NFAT5: variants seen among roughly 807,000 people sequenced by gnomAD.
NFAT5 encodes nuclear factor of activated T-cells 5.
In NFAT5, 31 loss-of-function variants were observed where a neutral mutation model predicts 166.5. The observed-to-expected ratio is 0.19, with a 90% CI of 0.14 to 0.25. NFAT5 has a LOEUF of 0.25. NFAT5 is among the 10% of genes least tolerant of loss of function. NFAT5 has a pLI of 1.00. For synonymous variants in NFAT5, 612 were observed against 639.7 expected (o/e 0.96, Z 0.65); for missense variants, 1,449 against 1,821.8 (o/e 0.80, Z 3.72).
Position 69,568,533 on chromosome 16 carries a change from GCTGGA to G in NFAT5, c.115_119del (p.Gly39IlefsTer7). ...ACACCCATCACAGAATTTTCATAGA[GCTGGA>G]CTATTGGAAGGTCAGCAAAGTACCA... is the stretch of plus-strand genomic sequence containing the variant. On this transcript the variant is annotated frameshift_variant, in exon 2 of 15. Transcript: ENST00000349945. LOFTEE classifies it high-confidence loss of function. 1.2e-6 allele frequency: 2 copies of G among 1,613,030 alleles called. No homozygotes were observed. Among genetic ancestry groups the G allele is most frequent in the Non-Finnish European group, 1.7e-6 (2 of 1,179,510 alleles).
Position 69,644,881 on chromosome 16 carries a change from A to G in NFAT5, c.254-2147A>G, listed in dbSNP as rs142235577. 2.0e-3 allele frequency: 923 copies of G among 453,164 alleles called. 4 individuals are homozygous for G. The highest frequency in any genetic ancestry group is 3.5e-3 in the Non-Finnish European group (787 of 225,900). 28.1% of individuals were successfully genotyped at this position (453,164 alleles called of 1,614,324 possible). On this transcript the variant is annotated intron_variant, in intron 3 of 14. Transcript: ENST00000349945. ...GGTGAGTGGGAGAAAGTTGCTTTAT[A>G]GAAATATAAGTTCACAGCATTCATG... is the stretch of plus-strand genomic sequence containing the variant.
intron 2 of NFAT5, 148 bp from the exon 3 acceptor site, chr16:69,626,254 TA>T: frequency 1.6e-6 from 1 of 615,474 alleles, no homozygotes; most frequent in Non-Finnish European, 2.4e-6. Context: ...GCTCAGCTGC[TA>T]ATAGCTCTTT....
Position 69,691,792 on chromosome 16 carries a change from T to C in NFAT5, c.1967T>C (p.Ile656Thr). Residue 656 changes from isoleucine (I) to threonine (T), a missense_variant, in exon 13 of 15, where the codon ATC becomes ACC. Transcript: ENST00000349945. ...TCAACTCAGCAAACATTAGAAAACA[T>C]CTCAAACATAGCAGGAAATGGCTCT... is the stretch of plus-strand genomic sequence containing the variant. ...VGSTQQTLENISNIAGNGSFS... is the reference protein window; with the variant it reads ...VGSTQQTLENTSNIAGNGSFS... The C allele has an allele frequency of 2.5e-6, 4 of 1,614,110 alleles. No homozygotes were observed. The highest frequency in any genetic ancestry group is 3.4e-6 in the Non-Finnish European group (4 of 1,180,024).
At chr16:69,605,934 C>T (rs967047664) in intron 2 of NFAT5, among the ~76,000 whole-genome samples, 3 of 152,008 alleles carry the variant, frequency 2.0e-5, no homozygotes, top group Non-Finnish European at 4.4e-5. Context: ...AGGATGGTCT[C>T]GATCTCCTGA....
At position 69,697,994 on chromosome 16, in the gene NFAT5, G is replaced by C. The variant is rs1186632168; in HGVS notation, c.*1643G>C. On this transcript the variant is annotated 3_prime_UTR_variant, in exon 15 of 15. Transcript: ENST00000349945. ...TTTAGTTGAACTGTGCGGAATTGTG[G>C]TGTTGGTTTTGTTTACACAGCCAGA... 1 of 148,714 alleles carries C rather than the reference G, an allele frequency of 6.7e-6. No homozygotes were observed. Among genetic ancestry groups the C allele is most frequent in the Non-Finnish European group, 1.5e-5 (1 of 67,378 alleles). The allele number at this position is 148,714 out of a possible 1,614,324, so 9.2% of individuals were successfully genotyped here.
At chr16:69,685,821 A>G (rs2017448) in intron 11 of NFAT5, 82,911 of 151,938 alleles carry the variant, frequency 0.55, 24,139 homozygotes, top group East Asian at 0.83. Flanking sequence ...CAAGGTGGGC[A>G]GATAACCTGA....
rs2037525610 is a variant in NFAT5, at chr16:69,691,019, T to C, written c.1854T>C (p.Ser618=). ...TGATGACTCCACTCATACCAAGCAG[T>C]ATGATTAAGAGTGAAGATGTTACTC... ...NALMTPLIPS[S]MIKSEDVTPM... The change falls in exon 12 of 15, where the codon AGT becomes AGC. Residue 618 remains serine (S), a synonymous_variant. Transcript: ENST00000349945. The C allele has an allele frequency of 1.2e-6, 2 of 1,609,484 alleles. No homozygotes were observed. The highest frequency in any genetic ancestry group is 8.5e-7 in the Non-Finnish European group (1 of 1,178,030).
chr16:69,571,346 C>T (rs2016426712), intron 2 of NFAT5, among the ~76,000 whole-genome samples: 1 of 151,790 alleles, frequency 6.6e-6, no homozygotes, highest in African/African-American at 2.4e-5. Context: ...AATAAGAACT[C>T]AGCGAATTCT....
chr16:69,689,491 G>T (rs199781962), intron 11 of NFAT5, among the ~76,000 whole-genome samples: 1 of 152,346 alleles, frequency 6.6e-6, no homozygotes, highest in East Asian at 1.9e-4. Context: ...CCAAATGGCT[G>T]TGAGGCAAGT....
intron 2 of NFAT5, among the ~76,000 whole-genome samples, chr16:69,604,333 C>G (rs1325075917): frequency 6.6e-6 from 1 of 152,112 alleles, no homozygotes. Flanking sequence ...ATTGAATTTT[C>G]TTTTATAATG....
intron 2 of NFAT5, among the ~76,000 whole-genome samples, chr16:69,588,429 C>T (rs1255177485): frequency 1.3e-5 from 2 of 152,084 alleles, no homozygotes; most frequent in Non-Finnish European, 2.9e-5. Flanking sequence ...TGCCAAGCTT[C>T]AAAAGAGAGA....
Position 69,626,393 on chromosome 16 carries a change from C to A in NFAT5, c.128-10C>A. The A allele has an allele frequency of 6.4e-7, 1 of 1,554,296 alleles. No individual in the cohort carries two copies. The highest frequency in any genetic ancestry group is 1.2e-5 in the South Asian group (1 of 80,246). ...AAAATTGTTTTCTCCTCTCTTTCCC[C>A]TCCCCACAGAATCTGTCTATGATCT... On this transcript the variant is annotated splice_polypyrimidine_tract_variant and intron_variant, in intron 2 of 14. Transcript: ENST00000349945.
intron 2 of NFAT5, among the ~76,000 whole-genome samples, chr16:69,574,263 A>G (rs143416359): frequency 0.011 from 1,750 of 152,286 alleles, 26 homozygotes; most frequent in African/African-American, 0.037. Context: ...AAGATTATTC[A>G]GTGGCATAGG....
intron 2 of NFAT5, among the ~76,000 whole-genome samples, chr16:69,624,874 C>T (rs535384482): frequency 1.0e-4 from 15 of 150,314 alleles, no homozygotes; most frequent in Middle Eastern, 3.4e-3. Flanking sequence ...AATAAGTATA[C>T]GCGATATGCC....
intron 3 of NFAT5, among the ~76,000 whole-genome samples, chr16:69,641,780 G>A (rs1414670194): frequency 6.6e-6 from 1 of 151,992 alleles, no homozygotes; most frequent in Non-Finnish European, 1.5e-5. Flanking sequence ...ATCTACATGG[G>A]TTTCTATAAA....
intron 11 of NFAT5, among the ~76,000 whole-genome samples, chr16:69,690,105 A>G (rs2037490812): frequency 6.6e-6 from 1 of 152,198 alleles, no homozygotes; most frequent in African/African-American, 2.4e-5. Flanking sequence ...ACTGAGTGCC[A>G]CTGCGGACTC....
At chr16:69,656,713 A>C (rs1597482511) in intron 6 of NFAT5, among the ~76,000 whole-genome samples, 1 of 152,090 alleles carries the variant, frequency 6.6e-6, no homozygotes, top group Non-Finnish European at 1.5e-5. Flanking sequence ...TGGCCTCCCA[A>C]AGTGCTGGGA....
intron 2 of NFAT5, among the ~76,000 whole-genome samples, chr16:69,624,778 T>C (rs2034371865): frequency 6.6e-6 from 1 of 152,110 alleles, no homozygotes; most frequent in African/African-American, 2.4e-5. Context: ...AGGCAGATAA[T>C]TAATAATCTT....
At chr16:69,575,612 T>A (rs1453400594) in intron 2 of NFAT5, among the ~76,000 whole-genome samples, 1 of 151,696 alleles carries the variant, frequency 6.6e-6, no homozygotes, top group Non-Finnish European at 1.5e-5. Context: ...AGCAAGACCC[T>A]GTCTTAAAAA....
Sources: allele counts gnomAD v4.1 joint callset (sites outside exome capture counted in the v4.1 genomes callset), GRCh38; gene constraint gnomAD v4.1.1; transcripts MANE v1.5; gene names NCBI Gene and HGNC (gene_info 2026-07-23, HGNC 2026-07-21).